MYO1D: variants seen among roughly 807,000 people sequenced by gnomAD.
The protein encoded by MYO1D is unconventional myosin-Id.
A neutral mutation model predicts 122.0 loss-of-function variants in MYO1D; 83 were observed. The observed-to-expected ratio is 0.68, with a 90% CI of 0.57 to 0.82. The LOEUF (loss-of-function observed/expected upper bound fraction) is 0.82. MYO1D is among the 40% of genes least tolerant of loss of function. The pLI, the probability that MYO1D is intolerant of heterozygous loss-of-function variation, is 0.00. For synonymous variants in MYO1D, 464 were observed against 446.9 expected (o/e 1.04, Z -0.48); for missense variants, 1,157 against 1,269.5 (o/e 0.91, Z 1.35).
chr17:32,538,684 A>G lies in MYO1D; in HGVS notation c.2865-43769T>C, dbSNP rs936049069. Among the ~76,000 whole-genome samples the G allele has an allele frequency of 7.2e-5, 11 of 152,108 alleles. No individual in the cohort carries two copies. In the East Asian group the frequency reaches 2.1e-3, roughly 29 times the overall value. On this transcript the variant is annotated intron_variant, in intron 21 of 21. Transcript: ENST00000318217. ...CAGTACTATTCACAATAGCAAAGACATGGAATCAACCCAAATGACCATCAA... is the reference window on the plus strand; with the variant it reads ...CAGTACTATTCACAATAGCAAAGACGTGGAATCAACCCAAATGACCATCAA...
At chr17:32,551,086 T>C (rs2087011377) in intron 21 of MYO1D, among the ~76,000 whole-genome samples, 1 of 152,242 alleles carries the variant, frequency 6.6e-6, no homozygotes, top group Non-Finnish European at 1.5e-5. Flanking sequence ...ATGAGATCTA[T>C]AGTTTCTGAC....
chr17:32,829,394 T>C (rs979541314), intron 1 of MYO1D, among the ~76,000 whole-genome samples: 2 of 152,258 alleles, frequency 1.3e-5, no homozygotes, highest in African/African-American at 4.8e-5. Flanking sequence ...CAGCCAGACC[T>C]GAGGTTGTAC....
At chr17:32,545,879 A>C (rs1280104007) in intron 21 of MYO1D, among the ~76,000 whole-genome samples, 3 of 151,700 alleles carry the variant, frequency 2.0e-5, no homozygotes, top group Non-Finnish European at 4.4e-5. Flanking sequence ...TAAGAATTTA[A>C]GGTCTGTTTC....
chr17:32,546,645 G>T (rs987165284), intron 21 of MYO1D, among the ~76,000 whole-genome samples: 30 of 152,188 alleles, frequency 2.0e-4, no homozygotes, highest in African/African-American at 7.0e-4. Context: ...CATTTAAAAA[G>T]AACCTACTGT....
At chr17:32,542,337 C>T in intron 21 of MYO1D, among the ~76,000 whole-genome samples, 1 of 152,176 alleles carries the variant, frequency 6.6e-6, no homozygotes, top group East Asian at 1.9e-4. Flanking sequence ...GAGCCTGGCA[C>T]ACTGCTATTG....
At chr17:32,635,104 C>T (rs1380782419) in intron 20 of MYO1D, among the ~76,000 whole-genome samples, 2 of 152,218 alleles carry the variant, frequency 1.3e-5, no homozygotes, top group Non-Finnish European at 2.9e-5. Flanking sequence ...GAGGCCTCAT[C>T]TGAGACACTG....
At chr17:32,848,443 A>C (rs1379990163) in intron 1 of MYO1D, among the ~76,000 whole-genome samples, 2 of 152,238 alleles carry the variant, frequency 1.3e-5, no homozygotes, top group African/African-American at 2.4e-5. Context: ...AGTTCCTGTA[A>C]CTTTTCTGAA....
chr17:32,763,980 T>TGC (rs2151018408), intron 8 of MYO1D, among the ~76,000 whole-genome samples: 1 of 152,174 alleles, frequency 6.6e-6, no homozygotes, highest in South Asian at 2.1e-4. Flanking sequence ...TGGGAATCCA[T>TGC]CCAGCTGAAA....
chr17:32,692,956 A>G (rs929684228), intron 16 of MYO1D, among the ~76,000 whole-genome samples: 3 of 152,240 alleles, frequency 2.0e-5, no homozygotes, highest in Non-Finnish European at 2.9e-5. Flanking sequence ...GAAGAAAAAA[A>G]TAATTGCTCA....
chr17:32,710,374 A>G (rs1320852517), intron 16 of MYO1D, among the ~76,000 whole-genome samples: 2 of 152,190 alleles, frequency 1.3e-5, no homozygotes, highest in Non-Finnish European at 2.9e-5. Flanking sequence ...TGATATTGAG[A>G]AAACTTTCTC....
chr17:32,524,304 C>T (rs1185338817), intron 21 of MYO1D, among the ~76,000 whole-genome samples: 1 of 152,192 alleles, frequency 6.6e-6, no homozygotes, highest in Non-Finnish European at 1.5e-5. Context: ...GAGAAAGTCT[C>T]AGTCTCAGTC....
chr17:32,590,080 T>C (rs1043462118), intron 21 of MYO1D, among the ~76,000 whole-genome samples: 1 of 152,248 alleles, frequency 6.6e-6, no homozygotes, highest in African/African-American at 2.4e-5. Flanking sequence ...AGGCTTTGTC[T>C]TGTTGGGCAG....
intron 15 of MYO1D, among the ~76,000 whole-genome samples, chr17:32,718,752 T>A (rs1255961905): frequency 5.9e-5 from 9 of 152,114 alleles, no homozygotes; most frequent in African/African-American, 2.2e-4. Context: ...AATCCTCTTC[T>A]GGTTTTTCTT....
intron 21 of MYO1D, chr17:32,504,772 G>T (rs1909438793): frequency 1.3e-5 from 2 of 152,282 alleles, no homozygotes; most frequent in African/African-American, 4.8e-5. Context: ...TCCCCGGAAT[G>T]CTCTGCAGAC....
At chr17:32,837,618 G>A (rs1480709234) in intron 1 of MYO1D, among the ~76,000 whole-genome samples, 1 of 152,064 alleles carries the variant, frequency 6.6e-6, no homozygotes, top group East Asian at 1.9e-4. Context: ...CACAGAAGTT[G>A]AATTACTGAA....
At chr17:32,578,967 G>C in intron 21 of MYO1D, among the ~76,000 whole-genome samples, 1 of 152,138 alleles carries the variant, frequency 6.6e-6, no homozygotes, top group Non-Finnish European at 1.5e-5. Flanking sequence ...ATACCTTTCT[G>C]GTAGTTCTTG....
chr17:32,763,279 A>T (rs957069296), intron 8 of MYO1D, among the ~76,000 whole-genome samples: 1 of 152,152 alleles, frequency 6.6e-6, no homozygotes, highest in South Asian at 2.1e-4. Flanking sequence ...AAATTCCCCC[A>T]AAACTAAAAA....
intron 21 of MYO1D, among the ~76,000 whole-genome samples, chr17:32,571,811 C>T (rs965027123): frequency 1.3e-5 from 2 of 152,138 alleles, no homozygotes; most frequent in African/African-American, 4.8e-5. Flanking sequence ...TTTACTCTAG[C>T]AAAGTAACCC....
At chr17:32,536,221 G>C (rs911039357) in intron 21 of MYO1D, among the ~76,000 whole-genome samples, 1 of 152,028 alleles carries the variant, frequency 6.6e-6, no homozygotes, top group Non-Finnish European at 1.5e-5. Context: ...TTTTAGTAGA[G>C]ACAGGGTTTC....
Sources: gnomAD v4.1 joint callset for allele counts (sites outside exome capture counted in the v4.1 genomes callset) on GRCh38, gnomAD v4.1.1 for gene constraint, MANE v1.5 for transcripts, NCBI Gene and HGNC (gene_info 2026-07-23, HGNC 2026-07-21) for gene names.